ESR1: variants seen among roughly 807,000 people sequenced by gnomAD.
ESR1 encodes estrogen receptor.
Under a neutral mutation model 52.7 loss-of-function variants are expected in ESR1, and 12 were observed. The observed-to-expected ratio is 0.23, with a 90% confidence interval of 0.15 to 0.37. The LOEUF (loss-of-function observed/expected upper bound fraction) is 0.37. Among genes scored for constraint, ESR1 ranks in the 10% least tolerant of loss-of-function variants. The pLI is 1.00. For missense variants in ESR1, 584 were observed against 779.7 expected, an observed-to-expected ratio of 0.75 and a Z score of 2.99; for synonymous variants, 305 against 316.8, an observed-to-expected ratio of 0.96 and a Z score of 0.39.
intron 2 of ESR1, among the ~76,000 whole-genome samples, chr6:151,713,062 T>TA (rs1432001024): frequency 1.3e-5 from 2 of 152,214 alleles, no homozygotes; most frequent in African/African-American, 4.8e-5. Context: ...TGTTGAATTT[T>TA]ATTGAAGGCC....
At chr6:151,880,293 CTGCCT>C (rs1386325347) in intron 2 of ESR1, among the ~76,000 whole-genome samples, 1 of 150,556 alleles carries the variant, frequency 6.6e-6, no homozygotes, top group African/African-American at 2.4e-5. Flanking sequence ...AGCGATTCTC[CTGCCT>C]CAGCTTCCTG....
chr6:151,714,621 G>A (rs956868628), intron 2 of ESR1, among the ~76,000 whole-genome samples: 3 of 151,962 alleles, frequency 2.0e-5, no homozygotes, highest in African/African-American at 7.3e-5. Context: ...GATCTTTGTT[G>A]GTTTAAAGTC....
At chr6:151,663,069 G>A (rs1425472909) in intron 1 of ESR1, among the ~76,000 whole-genome samples, 4 of 152,124 alleles carry the variant, frequency 2.6e-5, no homozygotes. Context: ...TTTCTTGTAA[G>A]GTGGGATTTG....
At chr6:151,893,054 G>A (rs533401560) in intron 3 of ESR1, among the ~76,000 whole-genome samples, 1 of 152,344 alleles carries the variant, frequency 6.6e-6, no homozygotes, top group Admixed American at 6.5e-5. Context: ...AGCCGGGCAT[G>A]GTGGCGGGCG....
intron 4 of ESR1, among the ~76,000 whole-genome samples, chr6:151,957,037 C>T (rs3020316): frequency 0.56 from 84,179 of 150,794 alleles, 25,202 homozygotes; most frequent in Middle Eastern, 0.72. Context: ...CCACCACGCC[C>T]GGCTAATTTT....
chr6:151,846,228 T>C (rs143075119), intron 2 of ESR1, among the ~76,000 whole-genome samples: 3 of 152,340 alleles, frequency 2.0e-5, no homozygotes, highest in Non-Finnish European at 4.4e-5. Context: ...ACAAAATTAA[T>C]GTACTGTTAA....
intron 2 of ESR1, among the ~76,000 whole-genome samples, chr6:151,726,092 AC>A (rs1781818775): frequency 6.6e-6 from 1 of 152,178 alleles, no homozygotes; most frequent in Non-Finnish European, 1.5e-5. Context: ...GGTACCTTCA[AC>A]TTAAAACCTC....
At chr6:151,778,841 A>C (rs1392290432) in intron 2 of ESR1, among the ~76,000 whole-genome samples, 1 of 152,174 alleles carries the variant, frequency 6.6e-6, no homozygotes, top group Non-Finnish European at 1.5e-5. Flanking sequence ...TTGCCAAAAA[A>C]TTTGTTTTCG....
At chr6:151,795,480 T>A (rs1221987298) in intron 2 of ESR1, among the ~76,000 whole-genome samples, 2 of 109,682 alleles carry the variant, frequency 1.8e-5, no homozygotes, top group African/African-American at 8.7e-5. Flanking sequence ...AGAGTGAGAC[T>A]CCATCTCAAA....
chr6:152,008,650 A>G (rs1348032117), intron 4 of ESR1, among the ~76,000 whole-genome samples: 2 of 152,058 alleles, frequency 1.3e-5, no homozygotes, highest in Non-Finnish European at 2.9e-5. Flanking sequence ...ATTGTAACTC[A>G]TGAGACACAC....
intron 5 of ESR1, among the ~76,000 whole-genome samples, chr6:152,056,708 C>T (rs1028660577): frequency 8.5e-5 from 13 of 152,124 alleles, no homozygotes; most frequent in Non-Finnish European, 1.5e-4. Flanking sequence ...CAAGGCTCCC[C>T]ACAAGGGGAT....
intron 4 of ESR1, among the ~76,000 whole-genome samples, chr6:151,977,526 G>A (rs995396901): frequency 1.3e-5 from 2 of 152,030 alleles, no homozygotes; most frequent in Admixed American, 1.3e-4. Context: ...CAGAAGCAGT[G>A]GCTCACCCCT....
rs772122906 is a variant in ESR1 at position 151,685,107 on chromosome 6, C to CTTT, written n.74-16733_74-16731dup. Among the ~76,000 whole-genome samples the CTTT allele has an allele frequency of 2.1e-4, 15 of 72,914 alleles. 2 individuals are homozygous for CTTT. Among genetic ancestry groups the CTTT allele is most frequent in the Non-Finnish European group, 3.5e-4 (14 of 39,726 alleles). The allele number at this position is 72,914 out of a possible 152,430, so 47.8% of individuals were successfully genotyped here. A position where few individuals can be genotyped will look rare whatever the true frequency, so the allele number is the denominator to read the frequency against. On this transcript the variant is annotated intron_variant and non_coding_transcript_variant, in intron 1 of 2. Coordinates refer to the ESR1 transcript ENST00000473497. ...TATCATTTTTGTCTGACACTGGCCT[C>CTTT]TTTTTTTTTTTTTTTTTTTTTTTTT...
At chr6:151,691,585 C>A (rs900214320) in intron 1 of ESR1, among the ~76,000 whole-genome samples, 4 of 152,084 alleles carry the variant, frequency 2.6e-5, no homozygotes, top group Non-Finnish European at 4.4e-5. Flanking sequence ...CTTAAAGGTG[C>A]CAGATTTTTA....
intron 4 of ESR1, among the ~76,000 whole-genome samples, chr6:151,986,944 T>C (rs796700271): frequency 6.6e-5 from 10 of 152,078 alleles, no homozygotes; most frequent in Admixed American, 5.2e-4. Context: ...TGTGTGTGTG[T>C]GCGCGCCCAT....
At chr6:151,836,453 CA>C (rs891374617) in intron 1 of ESR1, among the ~76,000 whole-genome samples, 1 of 152,144 alleles carries the variant, frequency 6.6e-6, no homozygotes, top group Non-Finnish European at 1.5e-5. Flanking sequence ...ATCATGAGAA[CA>C]GCACAGACAA....
At chr6:151,794,407 G>GTACACACATTTGCCAT (rs1554257288) in intron 2 of ESR1, among the ~76,000 whole-genome samples, 34 of 152,166 alleles carry the variant, frequency 2.2e-4, no homozygotes, top group Non-Finnish European at 2.9e-5. Flanking sequence ...AAATTAGACT[G>GTACACACATTTGCCAT]TACACACATT....
At chr6:151,713,322 A>T (rs1195312145) in intron 2 of ESR1, among the ~76,000 whole-genome samples, 4 of 152,044 alleles carry the variant, frequency 2.6e-5, no homozygotes, top group African/African-American at 7.2e-5. Flanking sequence ...GTCTCTGCCA[A>T]GTTTTGGTAT....
At chr6:151,804,042 C>G (rs1348949303), upstream of ESR1, among the ~76,000 whole-genome samples, 1 of 151,826 alleles carries the variant, frequency 6.6e-6, no homozygotes, top group East Asian at 1.9e-4. Flanking sequence ...ACGGCTGGAA[C>G]GTGTGTGTCC....
Sources: allele counts gnomAD v4.1 joint callset (sites outside exome capture counted in the v4.1 genomes callset), GRCh38; gene constraint gnomAD v4.1.1; transcripts MANE v1.5; gene names NCBI Gene and HGNC (gene_info 2026-07-23, HGNC 2026-07-21).